BARD1: variants seen among roughly 807,000 people sequenced by gnomAD.
BARD1 encodes BRCA1-associated RING domain protein 1.
A neutral mutation model predicts 77.0 loss-of-function variants in BARD1; 73 were observed. The observed-to-expected ratio is 0.95, with a 90% CI of 0.79 to 1.15. The LOEUF (loss-of-function observed/expected upper bound fraction) is 1.15, where lower values mean the gene tolerates loss of function less well. Among genes scored for constraint, BARD1 ranks in the 50% most tolerant of loss-of-function variants. The probability of loss-of-function intolerance (pLI) is 0.00; values close to 1 mark genes in which losing one functional copy is unlikely to be tolerated. For missense variants in BARD1, 993 were observed against 938.8 expected (o/e 1.06, Z -0.75); for synonymous variants, 384 against 338.0 (o/e 1.14, Z -1.49).
intron 6 of BARD1, among the ~76,000 whole-genome samples, chr2:214,758,726 A>G (rs576144862): frequency 4.9e-4 from 74 of 152,358 alleles, no homozygotes; most frequent in Non-Finnish European, 9.1e-4. Context: ...TGTGGTGTTC[A>G]ATGTTTCAGT....
At chr2:214,802,369 G>C (rs1039604711) in intron 1 of BARD1, among the ~76,000 whole-genome samples, 3 of 152,112 alleles carry the variant, frequency 2.0e-5, no homozygotes, top group South Asian at 2.1e-4. Context: ...GCATGTTTAA[G>C]GTAGGCTGGG....
At chr2:214,777,040 AC>A (rs1165662492) in intron 4 of BARD1, among the ~76,000 whole-genome samples, 1 of 152,180 alleles carries the variant, frequency 6.6e-6, no homozygotes, top group Non-Finnish European at 1.5e-5. Context: ...GTCCCTGCCA[AC>A]CATCCAAGCA....
intron 9 of BARD1, among the ~76,000 whole-genome samples, chr2:214,735,540 A>G (rs534235313): frequency 1.3e-3 from 193 of 152,308 alleles, no homozygotes; most frequent in African/African-American, 4.4e-3. Flanking sequence ...ACTGTTTATT[A>G]CTTCCAATTC....
chr2:214,759,224 T>G (rs1693835308), intron 6 of BARD1, among the ~76,000 whole-genome samples: 1 of 152,172 alleles, frequency 6.6e-6, no homozygotes, highest in Non-Finnish European at 1.5e-5. Context: ...ACTTCAGAAT[T>G]CAACATCCTT....
At chr2:214,760,067 C>T (rs1337923534) in intron 6 of BARD1, among the ~76,000 whole-genome samples, 3 of 152,122 alleles carry the variant, frequency 2.0e-5, no homozygotes, top group South Asian at 2.1e-4. Flanking sequence ...GTTACTGTCC[C>T]CACTTCCTGG....
intron 9 of BARD1, among the ~76,000 whole-genome samples, chr2:214,743,015 CTAAG>C (rs1692917027): frequency 6.6e-6 from 1 of 152,128 alleles, no homozygotes; most frequent in Non-Finnish European, 1.5e-5. Context: ...AAGTTCAAAA[CTAAG>C]TGAGACAAAT....
chr2:214,729,001 T>C lies in BARD1; in HGVS notation c.2009A>G (p.Lys670Arg), dbSNP rs769302736. The C allele has an allele frequency of 1.9e-6, 3 of 1,614,114 alleles. No homozygotes were observed. In the South Asian group the frequency reaches 3.3e-5, roughly 18 times the overall value. ...ATAGAAGTAGCATCCATCAAACAGC[T>C]TTGGCAACTGAAATAATGAGAAAAC... ...SRLNREQLLP[K>R]LFDGCYFYLW... Residue 670 changes from lysine (K) to arginine (R), a missense_variant, in exon 11 of 11, where the codon AAG (lysine) becomes AGG (arginine). Transcript: ENST00000260947.
chr2:214,747,278 CT>C (rs1316255784), intron 7 of BARD1, among the ~76,000 whole-genome samples: 1 of 151,520 alleles, frequency 6.6e-6, no homozygotes, highest in Non-Finnish European at 1.5e-5. Flanking sequence ...CTAGTTCAAC[CT>C]TTGTGGAAGT....
chr2:214,775,082 C>T (rs931234932), intron 4 of BARD1, among the ~76,000 whole-genome samples: 2 of 152,140 alleles, frequency 1.3e-5, no homozygotes, highest in Middle Eastern at 3.2e-3. Flanking sequence ...GGCAGTAAGG[C>T]GGTTATGCTT....
chr2:214,729,590 C>G, intron 10 of BARD1, among the ~76,000 whole-genome samples: 1 of 152,050 alleles, frequency 6.6e-6, no homozygotes, highest in East Asian at 1.9e-4. Context: ...ATCTCGGTTC[C>G]TTTTCACTCT....
At chr2:214,769,199 C>G (rs1559411761) in intron 5 of BARD1, 33 bp downstream of exon 5, 3 of 1,553,724 alleles carry the variant, frequency 1.9e-6, no homozygotes, top group Admixed American at 3.3e-5. Context: ...CTGTAAAACA[C>G]AGAAAGAATG....
At chr2:214,790,746 A>C (rs566665019) in intron 3 of BARD1, among the ~76,000 whole-genome samples, 1 of 152,280 alleles carries the variant, frequency 6.6e-6, no homozygotes, top group African/African-American at 2.4e-5. Context: ...CAAAGCCAAT[A>C]ATCCTAACAG....
intron 9 of BARD1, among the ~76,000 whole-genome samples, chr2:214,739,074 A>C (rs1015844857): frequency 1.3e-5 from 2 of 152,140 alleles, no homozygotes; most frequent in African/African-American, 4.8e-5. Context: ...ACTTGAACCC[A>C]GGAGTTCATG....
intron 1 of BARD1, among the ~76,000 whole-genome samples, chr2:214,797,435 T>A (rs1283180521): frequency 6.6e-6 from 1 of 152,220 alleles, no homozygotes; most frequent in Non-Finnish European, 1.5e-5. Context: ...AACTACTGGC[T>A]GCTTCTTTCA....
rs761103724 is a variant in BARD1 at position 214,809,417 on chromosome 2, C to T, written c.153G>A (p.Ser51=). The T allele has an allele frequency of 3.7e-6, 6 of 1,612,466 alleles. No homozygotes were observed. Among genetic ancestry groups the T allele is most frequent in the South Asian group, 3.3e-5 (3 of 91,020 alleles). ...CCAAGAAGCTCCGTCTTTACCAACG[C>T]GAGCAGCGCAGCAGCTTCTCCAGGC... ...LDRLEKLLRC[S]RCTNILREPV... Residue 51 remains serine (S), a synonymous_variant, in exon 1 of 11, where the codon TCG becomes TCA. Coordinates refer to ENST00000260947, the MANE Select transcript of BARD1 (RefSeq NM_000465.4).
rs730881417 is a variant in BARD1, at chr2:214,769,302, G to A, written c.1325C>T (p.Pro442Leu). 2.4e-5 allele frequency: 38 copies of A among 1,612,910 alleles called. No individual in the cohort carries two copies. The highest frequency in any genetic ancestry group is 3.0e-5 in the Non-Finnish European group (35 of 1,178,998). ...LHIASIKGDI[P>L]SVEYLLQNGS... ...ATTTTGTAAAAGGTATTCAACAGAA[G>A]GTATGTCGCCCTAGAAAAATGAACA... Residue 442 changes from proline (P) to leucine (L), a missense_variant, in exon 5 of 11, where the codon CCT (proline) becomes CTT (leucine). Physicochemically the swap from Pro to Leu is moderately conservative, Grantham distance 98. Coordinates refer to ENST00000260947, the MANE Select transcript of BARD1 (RefSeq NM_000465.4).
At chr2:214,756,765 G>A (rs527584289) in intron 6 of BARD1, among the ~76,000 whole-genome samples, 1 of 152,254 alleles carries the variant, frequency 6.6e-6, no homozygotes, top group East Asian at 1.9e-4. Flanking sequence ...TTCATAAGTG[G>A]AAGCTAAGCT....
chr2:214,808,585 C>A (rs1696390448), intron 1 of BARD1, among the ~76,000 whole-genome samples: 1 of 152,260 alleles, frequency 6.6e-6, no homozygotes, highest in Admixed American at 6.5e-5. Flanking sequence ...TAGCTGTACA[C>A]ACAGCAAGTG....
intron 2 of BARD1, among the ~76,000 whole-genome samples, chr2:214,792,757 T>C (rs531376516): frequency 6.6e-6 from 1 of 152,172 alleles, no homozygotes; most frequent in South Asian, 2.1e-4. Flanking sequence ...TAATGCATAG[T>C]AGTCGTGCAT....
Sources: allele counts gnomAD v4.1 joint callset (sites outside exome capture counted in the v4.1 genomes callset), GRCh38; gene constraint gnomAD v4.1.1; transcripts MANE v1.5; gene names NCBI Gene and HGNC (gene_info 2026-07-23, HGNC 2026-07-21).